Variants in SERPINB7 observed in about 807,000 individuals in gnomAD.
The protein encoded by SERPINB7 is serpin family B member 7.
In SERPINB7, 31 loss-of-function variants were observed where a neutral mutation model predicts 37.4. That is an observed-to-expected ratio of 0.83 (90% CI 0.62 to 1.12). SERPINB7 has a LOEUF of 1.12. SERPINB7 is among the 50% of genes most tolerant of loss of function. The probability of loss-of-function intolerance (pLI) is 0.00; values close to 1 mark genes in which losing one functional copy is unlikely to be tolerated. For synonymous variants in SERPINB7, 163 were observed against 166.1 expected (o/e 0.98, Z 0.14); for missense variants, 521 against 455.3 (o/e 1.14, Z -1.31).
intron 2 of SERPINB7, among the ~76,000 whole-genome samples, chr18:63,782,942 T>C (rs1305042596): frequency 6.6e-6 from 1 of 151,392 alleles, no homozygotes; most frequent in Non-Finnish European, 1.5e-5. Flanking sequence ...ATCGAGACCA[T>C]CCTGGCTAAC....
chr18:63,755,188 G>A (rs2049114919), intron 1 of SERPINB7, among the ~76,000 whole-genome samples: 1 of 152,056 alleles, frequency 6.6e-6, no homozygotes, highest in Non-Finnish European at 1.5e-5. Flanking sequence ...ACAGGCGTGA[G>A]CCACCGCGCC....
intron 1 of SERPINB7, among the ~76,000 whole-genome samples, chr18:63,758,051 C>A (rs1413614709): frequency 1.3e-5 from 2 of 152,166 alleles, no homozygotes; most frequent in African/African-American, 4.8e-5. Context: ...CGTAGCTTCT[C>A]TGTATCTCTC....
At chr18:63,778,896 A>T in intron 1 of SERPINB7, among the ~76,000 whole-genome samples, 1 of 152,294 alleles carries the variant, frequency 6.6e-6, no homozygotes, top group Admixed American at 6.5e-5. Context: ...GTTAACTTTA[A>T]AATTATAAAT....
intron 1 of SERPINB7, among the ~76,000 whole-genome samples, chr18:63,770,380 C>T (rs1307299984): frequency 6.6e-6 from 1 of 151,870 alleles, no homozygotes; most frequent in East Asian, 1.9e-4. Flanking sequence ...TCCTTCTTTT[C>T]TTCCCCTTTT....
intron 1 of SERPINB7, among the ~76,000 whole-genome samples, chr18:63,764,828 C>T (rs557056060): frequency 7.2e-5 from 11 of 151,992 alleles, no homozygotes; most frequent in Non-Finnish European, 5.9e-5. Context: ...GTATCATCAC[C>T]TCATATCTAA....
chr18:63,753,166 AT>A (rs1165072231), intron 1 of SERPINB7: 8 of 152,146 alleles, frequency 5.3e-5, no homozygotes, highest in African/African-American at 1.7e-4. Context: ...GTATGCTTAG[AT>A]TCCCTAAGAT....
intron 7 of SERPINB7, among the ~76,000 whole-genome samples, chr18:63,803,656 G>A (rs1431254447): frequency 1.3e-5 from 2 of 152,180 alleles, no homozygotes; most frequent in African/African-American, 4.8e-5. Flanking sequence ...CTGCACTTCA[G>A]TTGCCTCATC....
intron 1 of SERPINB7, among the ~76,000 whole-genome samples, chr18:63,765,157 C>T (rs1262231377): frequency 1.3e-5 from 2 of 152,132 alleles, no homozygotes; most frequent in Admixed American, 6.5e-5. Flanking sequence ...GCACCTCAAA[C>T]TTAAGTCCCC....
chr18:63,796,785 T>C (rs1453595008), intron 5 of SERPINB7, among the ~76,000 whole-genome samples: 1 of 152,224 alleles, frequency 6.6e-6, no homozygotes, highest in Non-Finnish European at 1.5e-5. Flanking sequence ...TTATTTTCAA[T>C]GACCACAGCA....
chr18:63,803,900 T>C (rs2049576626), intron 7 of SERPINB7, among the ~76,000 whole-genome samples: 1 of 152,172 alleles, frequency 6.6e-6, no homozygotes, highest in African/African-American at 2.4e-5. Flanking sequence ...GGCTCCTTTC[T>C]CCCTCTAATG....
At chr18:63,784,723 G>A (rs1220791676) in intron 2 of SERPINB7, among the ~76,000 whole-genome samples, 4 of 152,086 alleles carry the variant, frequency 2.6e-5, no homozygotes, top group African/African-American at 7.2e-5. Context: ...TGTGCACGGA[G>A]GATGCTGATT....
At chr18:63,793,921 G>A (rs2049456558) in intron 4 of SERPINB7, among the ~76,000 whole-genome samples, 1 of 151,534 alleles carries the variant, frequency 6.6e-6, no homozygotes, top group South Asian at 2.1e-4. Flanking sequence ...AATGCTTAGT[G>A]GCTTCTAGCT....
chr18:63,776,855 T>C (rs2049253589), intron 1 of SERPINB7, among the ~76,000 whole-genome samples: 1 of 152,040 alleles, frequency 6.6e-6, no homozygotes, highest in Non-Finnish European at 1.5e-5. Context: ...ATTTATTTGG[T>C]TTCTAAGTTC....
At chr18:63,765,696 A>G (rs867580292) in intron 1 of SERPINB7, among the ~76,000 whole-genome samples, 5 of 152,082 alleles carry the variant, frequency 3.3e-5, no homozygotes, top group Non-Finnish European at 7.4e-5. Context: ...CTCCATTCTT[A>G]TATTTTAGAT....
At chr18:63,788,437 T>G (rs556471036) in intron 2 of SERPINB7, among the ~76,000 whole-genome samples, 1 of 152,302 alleles carries the variant, frequency 6.6e-6, no homozygotes, top group South Asian at 2.1e-4. Flanking sequence ...TATGATGTCT[T>G]TGTGTTTTAA....
At chr18:63,784,825 G>C (rs2049348257) in intron 2 of SERPINB7, among the ~76,000 whole-genome samples, 1 of 152,146 alleles carries the variant, frequency 6.6e-6, no homozygotes, top group Admixed American at 6.5e-5. Flanking sequence ...TATGACTAAA[G>C]CTTGATTTTA....
chr18:63,793,536 T>G (rs1194363377), intron 4 of SERPINB7, among the ~76,000 whole-genome samples: 1 of 152,184 alleles, frequency 6.6e-6, no homozygotes, highest in Admixed American at 6.5e-5. Context: ...GATGCTGAGC[T>G]GTAAATGGAA....
In SERPINB7 at chr18:63,801,086, A is replaced by G. The variant is rs1188249358; in HGVS notation, c.744+74A>G. ...TACTGTTGATTGAGTTTTCACTGATAAACTGTAAGATTTCAGGGTATTGAG... is the reference window on the plus strand; with the variant it reads ...TACTGTTGATTGAGTTTTCACTGATGAACTGTAAGATTTCAGGGTATTGAG... On this transcript the variant is annotated intron_variant, in intron 7 of 7. Transcript: ENST00000398019. 12 of 1,430,656 alleles carry G rather than the reference A, an allele frequency of 8.4e-6. No homozygotes were observed. In the East Asian group the frequency reaches 1.6e-4, roughly 19 times the overall value. The allele number at this position is 1,430,656 out of a possible 1,614,324, so 88.6% of individuals were successfully genotyped here.
At chr18:63,776,591 G>A (rs78468689) in intron 1 of SERPINB7, among the ~76,000 whole-genome samples, 3,438 of 150,396 alleles carry the variant, frequency 0.023, 64 homozygotes, top group Middle Eastern at 0.054. Flanking sequence ...AAGATAGTGC[G>A]AATTGAAAGA....
Sources: gnomAD v4.1 joint callset for allele counts (sites outside exome capture counted in the v4.1 genomes callset) on GRCh38, gnomAD v4.1.1 for gene constraint, MANE v1.5 for transcripts, NCBI Gene and HGNC (gene_info 2026-07-23, HGNC 2026-07-21) for gene names.